The following SPI1 variants were observed in gnomAD, a reference collection of about 807,000 sequenced individuals.
SPI1 encodes the protein Spi-1 proto-oncogene.
SPI1 carries 3 observed loss-of-function variants against 30.7 expected under a neutral mutation model. The observed-to-expected ratio is 0.10, with a 90% CI of 0.04 to 0.25. SPI1 has a LOEUF of 0.25. SPI1 is among the 10% of genes least tolerant of loss of function. SPI1 has a pLI of 1.00. For missense variants in SPI1, 261 were observed against 371.5 expected, an observed-to-expected ratio of 0.70 and a Z score of 2.45; for synonymous variants, 169 against 157.1, an observed-to-expected ratio of 1.08 and a Z score of -0.56.
intron 2 of SPI1, among the ~76,000 whole-genome samples, chr11:47,360,317 C>A (rs757968017): frequency 6.6e-6 from 1 of 152,154 alleles, no homozygotes. Context: ...CATCCTGATT[C>A]CTGTGCAGTC....
intron 4 of SPI1, among the ~76,000 whole-genome samples, 180 bp from the exon 5 acceptor site, chr11:47,355,726 T>C (rs1252459658): frequency 9.7e-4 from 146 of 150,256 alleles, no homozygotes; most frequent in African/African-American, 3.2e-3. Flanking sequence ...ACACACATGC[T>C]TGCGCACACA....
At chr11:47,368,539 A>G (rs1435858405) in intron 2 of SPI1, among the ~76,000 whole-genome samples, 1 of 152,248 alleles carries the variant, frequency 6.6e-6, no homozygotes. Flanking sequence ...AACGTGGCAC[A>G]TGCGCAAAAC....
In SPI1 at chr11:47,375,935, G is replaced by A. The variant is rs1292181370; in HGVS notation, c.46-206C>T. ...AAGGGGTGACAGGGACCTTGGGGGT[G>A]AGAGGTCAGAAGAGGACCAGGGTCC... On this transcript the variant is annotated intron_variant, in intron 1 of 4. Transcript: ENST00000378538. The surrounding 1 kb of genome is among the most constrained non-coding windows in gnomAD (Gnocchi z 4.2). 6.6e-6 allele frequency among the ~76,000 whole-genome samples: 1 copy of A among 152,076 alleles called. No homozygotes were observed. The highest frequency in any genetic ancestry group is 2.4e-5 in the African/African-American group (1 of 41,390).
Position 47,355,314 on chromosome 11 carries a change from C to G in SPI1, c.726G>C (p.Lys242Asn). 1 of 1,611,128 alleles carries G rather than the reference C, an allele frequency of 6.2e-7. No individual in the cohort carries two copies. The highest frequency in any genetic ancestry group is 8.5e-7 in the Non-Finnish European group (1 of 1,178,944). ...LRNYGKTGEV[K>N]KVKKKLTYQF... Reference sequence around the variant, plus strand: ...GGTAGGTGAGCTTCTTCTTCACCTTCTTGACCTCGCCCGTCTTGCCGTAGT... The same window carrying G: ...GGTAGGTGAGCTTCTTCTTCACCTTGTTGACCTCGCCCGTCTTGCCGTAGT... The change falls in exon 5 of 5, where the codon AAG becomes AAC. Residue 242 changes from lysine to asparagine, a missense_variant. Around this residue, in one of 5 missense-constraint regions of SPI1, gnomAD observed 43 missense variants for 123.8 expected, o/e 0.35. Transcript: ENST00000378538.
At chr11:47,360,389 A>G (rs2095918908) in intron 2 of SPI1, among the ~76,000 whole-genome samples, 1 of 152,144 alleles carries the variant, frequency 6.6e-6, no homozygotes, top group Admixed American at 6.5e-5. Flanking sequence ...TCAGGCACAT[A>G]TGTGGCCTCT....
intron 2 of SPI1, among the ~76,000 whole-genome samples, chr11:47,363,870 G>A (rs954762283): frequency 6.7e-6 from 1 of 148,736 alleles, no homozygotes; most frequent in African/African-American, 2.5e-5. Context: ...GCTGAGGCAG[G>A]AGAATCCCTT....
chr11:47,357,504 C>T (rs538953023), intron 4 of SPI1, among the ~76,000 whole-genome samples: 5 of 151,568 alleles, frequency 3.3e-5, no homozygotes, highest in Non-Finnish European at 7.4e-5. Context: ...GCTCTCACAT[C>T]CACTCACAGC....
intron 2 of SPI1, among the ~76,000 whole-genome samples, chr11:47,362,472 T>C (rs2095922154): frequency 6.6e-6 from 1 of 151,940 alleles, no homozygotes; most frequent in South Asian, 2.1e-4. Context: ...CTTGGGAGGC[T>C]GATACGAAAA....
At chr11:47,362,088 T>C (rs2095921608) in intron 2 of SPI1, among the ~76,000 whole-genome samples, 3 of 152,166 alleles carry the variant, frequency 2.0e-5, no homozygotes, top group African/African-American at 7.2e-5. Context: ...GTCATTCTAT[T>C]TCTCCAAGCC....
At chr11:47,357,632 C>T (rs893061267) in intron 4 of SPI1, among the ~76,000 whole-genome samples, 4 of 152,194 alleles carry the variant, frequency 2.6e-5, no homozygotes, top group Non-Finnish European at 5.9e-5. Flanking sequence ...ATGGCACGAT[C>T]TCGGCTCACT....
intron 2 of SPI1, among the ~76,000 whole-genome samples, chr11:47,372,382 GC>G (rs5791759): frequency 1 from 152,297 of 152,298 alleles, 76,148 homozygotes; most frequent in Non-Finnish European, 1. Flanking sequence ...GAGCCACCAC[GC>G]CCCAGCCTAT....
chr11:47,365,168 C>T (rs963411727), intron 2 of SPI1, among the ~76,000 whole-genome samples: 9 of 152,156 alleles, frequency 5.9e-5, no homozygotes, highest in Non-Finnish European at 8.8e-5. Context: ...GATGACTCTT[C>T]GAGAACAAAT....
intron 4 of SPI1, chr11:47,358,335 C>T (rs2095915169): frequency 3.5e-6 from 2 of 578,024 alleles, no homozygotes; most frequent in Admixed American, 3.0e-5. Context: ...ATATACCATG[C>T]TCACATCCCT....
rs890338478 is a variant in SPI1, at chr11:47,378,455, G to A, written c.-102C>T. 1.3e-5 allele frequency: 17 copies of A among 1,345,216 alleles called. No individual in the cohort carries two copies. Among genetic ancestry groups the A allele is most frequent in the African/African-American group, 8.7e-5 (6 of 69,352 alleles). The allele number at this position is 1,345,216 out of a possible 1,614,324, so 83.3% of individuals were successfully genotyped here. On this transcript the variant is annotated 5_prime_UTR_variant, in exon 1 of 5. Coordinates refer to ENST00000378538, the MANE Select transcript of SPI1 (RefSeq NM_003120.3). ...GTCAGGGGCTGGACGGTCGTGGGGCGGGTGCAGGGCTCAGGCCTGCCCCCT... is the reference window on the plus strand; with the variant it reads ...GTCAGGGGCTGGACGGTCGTGGGGCAGGTGCAGGGCTCAGGCCTGCCCCCT...
chr11:47,359,747 A>G lies in SPI1; in HGVS notation c.330+106T>C. 7.6e-7 allele frequency: 1 copy of G among 1,313,926 alleles called. No individual in the cohort carries two copies. The highest frequency in any genetic ancestry group is 1.1e-6 in the Non-Finnish European group (1 of 951,038). The allele number at this position is 1,313,926 out of a possible 1,614,324, so 81.4% of individuals were successfully genotyped here. A position where few individuals can be genotyped will look rare whatever the true frequency, so the allele number is the denominator to read the frequency against. Reference sequence around the variant, plus strand: ...CCAGCCGCCGTTGGCACTGTGGGGCAGGAAGCTGAGTTGGGTAAGAGCCTG... The same window carrying G: ...CCAGCCGCCGTTGGCACTGTGGGGCGGGAAGCTGAGTTGGGTAAGAGCCTG... On this transcript the variant is annotated intron_variant, in intron 3 of 4. Transcript: ENST00000378538. This position sits in a 1 kb window ranked among gnomAD's most constrained non-coding sequence, Gnocchi z 5.1.
In SPI1 at chr11:47,374,745, C is replaced by T. The variant is rs1286048372; in HGVS notation, c.142+888G>A. 6.6e-6 allele frequency among the ~76,000 whole-genome samples: 1 copy of T among 152,238 alleles called. No individual in the cohort carries two copies. The highest frequency in any genetic ancestry group is 1.5e-5 in the Non-Finnish European group (1 of 68,042). Reference sequence around the variant, plus strand: ...AGCCAAGATCCACTTTGGGCAACCTCCCGCAGCCCCCTGCTCAGGTCCCAG... The same window carrying T: ...AGCCAAGATCCACTTTGGGCAACCTTCCGCAGCCCCCTGCTCAGGTCCCAG... On this transcript the variant is annotated intron_variant, in intron 2 of 4. Transcript: ENST00000378538. The surrounding 1 kb of genome is among the most constrained non-coding windows in gnomAD (Gnocchi z 4.5).
chr11:47,373,116 G>T (rs1470697161), intron 2 of SPI1, among the ~76,000 whole-genome samples: 1 of 152,202 alleles, frequency 6.6e-6, no homozygotes, highest in Non-Finnish European at 1.5e-5. Flanking sequence ...ACTTTGGGAG[G>T]CTGAGGCAGG....
intron 2 of SPI1, among the ~76,000 whole-genome samples, chr11:47,372,917 A>C (rs2095937763): frequency 1.3e-5 from 2 of 152,238 alleles, no homozygotes; most frequent in Non-Finnish European, 2.9e-5. Context: ...CTGGTAAGTG[A>C]TGGAGCCAGG....
intron 4 of SPI1, among the ~76,000 whole-genome samples, chr11:47,357,349 TTCA>T (rs2095912751): frequency 3.2e-4 from 2 of 6,336 alleles, no homozygotes; most frequent in Non-Finnish European, 1.2e-3. Flanking sequence ...TCACTCATAT[TTCA>T]CACCACTTAC....
Sources: allele counts gnomAD v4.1 joint callset (sites outside exome capture counted in the v4.1 genomes callset), GRCh38; gene constraint gnomAD v4.1.1; regional missense constraint gnomAD v4.1.1; non-coding constraint Gnocchi (gnomAD v3.1); transcripts MANE v1.5; gene names NCBI Gene and HGNC (gene_info 2026-07-23, HGNC 2026-07-21).